Variants in CD44 observed in about 807,000 individuals in gnomAD.
CD44 encodes the protein CD44 molecule (IN blood group).
Under a neutral mutation model 88.8 loss-of-function variants are expected in CD44, and 49 were observed. The ratio of observed to expected loss-of-function variants is 0.55; its 90% CI spans 0.44 to 0.70. CD44 has a LOEUF of 0.70. Among genes scored for constraint, CD44 ranks in the 30% least tolerant of loss-of-function variants. The probability of loss-of-function intolerance (pLI) is 0.00; values close to 1 mark genes in which losing one functional copy is unlikely to be tolerated. For synonymous variants in CD44, 325 were observed against 312.3 expected, an observed-to-expected ratio of 1.04 and a Z score of -0.43; for missense variants, 883 against 913.8, an observed-to-expected ratio of 0.97 and a Z score of 0.43.
intron 1 of CD44, among the ~76,000 whole-genome samples, chr11:35,151,388 C>T (rs1341014674): frequency 2.0e-5 from 3 of 152,184 alleles, no homozygotes. Flanking sequence ...AGACAGAGTT[C>T]AGAAGCAGGC....
intron 1 of CD44, chr11:35,139,616 C>T (rs199566329): frequency 1.9e-4 from 138 of 742,012 alleles, no homozygotes; most frequent in Non-Finnish European, 3.0e-4. Flanking sequence ...AGGCTGCCGG[C>T]GCGCAGTTTT....
chr11:35,139,350 C>T lies in CD44; in HGVS notation c.47C>T (p.Pro16Leu), dbSNP rs371626843. The part of the protein sequence containing the change: ...WHAAWGLCLV[P>L]LSLAQIDLNI... Reference sequence around the variant, plus strand: ...GCAGCCTGGGGACTCTGCCTCGTGCCGCTGAGCCTGGCGCAGATCGGTGAG... The same window carrying T: ...GCAGCCTGGGGACTCTGCCTCGTGCTGCTGAGCCTGGCGCAGATCGGTGAG... Residue 16 changes from proline to leucine, a missense_variant, in exon 1 of 18, where the codon CCG becomes CTG. Around this residue, in one of 2 missense-constraint regions of CD44, gnomAD observed 252 missense variants for 322.9 expected, o/e 0.78. Transcript: ENST00000428726. The T allele has an allele frequency of 9.0e-6, 14 of 1,561,226 alleles. No homozygotes were observed. The highest frequency in any genetic ancestry group is 7.1e-5 in the East Asian group (3 of 42,106).
chr11:35,157,634 C>G (rs906649709), intron 1 of CD44, among the ~76,000 whole-genome samples: 2 of 152,174 alleles, frequency 1.3e-5, no homozygotes, highest in Non-Finnish European at 2.9e-5. Context: ...TTCTCTCACT[C>G]CCTCCTTCCT....
At position 35,224,317 on chromosome 11, in the gene CD44, C is replaced by T. The variant is rs1349418085; in HGVS notation, c.2024+2585C>T. Among the ~76,000 whole-genome samples, 4 of 152,162 alleles carry T rather than the reference C, an allele frequency of 2.6e-5. No individual in the cohort carries two copies. The South Asian group carries it at 8.3e-4, about 31-fold the overall frequency. On this transcript the variant is annotated intron_variant, in intron 17 of 17. Transcript: ENST00000428726. ...TTGCTGTTCCTCATGTCACCTGACTCCTTGAGTTACAGCTCTCCAAGAGAA... is the reference window on the plus strand; with the variant it reads ...TTGCTGTTCCTCATGTCACCTGACTTCTTGAGTTACAGCTCTCCAAGAGAA...
chr11:35,225,464 G>A (rs770976380), intron 17 of CD44, among the ~76,000 whole-genome samples: 22 of 152,178 alleles, frequency 1.4e-4, no homozygotes, highest in Admixed American at 1.0e-3. Flanking sequence ...AGATTTAAGG[G>A]AAGAGGAGAT....
chr11:35,184,315 G>A (rs2133806362), intron 3 of CD44, among the ~76,000 whole-genome samples: 1 of 152,278 alleles, frequency 6.6e-6, no homozygotes, highest in South Asian at 2.1e-4. Flanking sequence ...CTGTCTTAGG[G>A]TTTGTGACAT....
In CD44 at chr11:35,168,820, T is replaced by C. The variant is rs16927029; in HGVS notation, c.68-7755T>C. 6.6e-3 allele frequency among the ~76,000 whole-genome samples: 1,008 copies of C among 152,348 alleles called. 12 individuals carry two copies. The highest frequency in any genetic ancestry group is 0.023 in the African/African-American group (966 of 41,574). ...TGGGTGGTCTTCATATGGAATGTAC[T>C]GTGTTTGCCATGTTCCCTAGGAGAT... On this transcript the variant is annotated intron_variant, in intron 1 of 17. Transcript: ENST00000428726.
intron 9 of CD44, among the ~76,000 whole-genome samples, chr11:35,203,139 TGG>T (rs1278069307): frequency 2.0e-5 from 3 of 152,228 alleles, no homozygotes; most frequent in Non-Finnish European, 4.4e-5. Context: ...TGGTGACCTC[TGG>T]GCTTTATCAA....
chr11:35,147,753 G>A (rs1219088732), intron 1 of CD44, among the ~76,000 whole-genome samples: 1 of 152,110 alleles, frequency 6.6e-6, no homozygotes, highest in Non-Finnish European at 1.5e-5. Flanking sequence ...CACGATAACA[G>A]TAAAGCCCCT....
At chr11:35,194,668 A>G (rs1014786384) in intron 5 of CD44, among the ~76,000 whole-genome samples, 1 of 152,208 alleles carries the variant, frequency 6.6e-6, no homozygotes, top group African/African-American at 2.4e-5. Flanking sequence ...GTCTTGTACC[A>G]CTTCATATAT....
chr11:35,187,892 T>TG (rs1049697894), intron 4 of CD44, among the ~76,000 whole-genome samples: 35 of 152,262 alleles, frequency 2.3e-4, no homozygotes, highest in East Asian at 1.5e-3. Context: ...AAAATAGACA[T>TG]GGGGGTCTCA....
rs1007521670 is a variant in CD44 at position 35,207,673 on chromosome 11, G to A, written c.1415-432G>A. Among the ~76,000 whole-genome samples the A allele has an allele frequency of 5.3e-5, 8 of 152,304 alleles. 1 individual carries two copies. Among genetic ancestry groups the A allele is most frequent in the Middle Eastern group, 6.8e-3 (2 of 294 alleles). On this transcript the variant is annotated intron_variant, in intron 11 of 17. Transcript: ENST00000428726. ...CTTTGTGAAGAAAAAAAGACTAAAG[G>A]GGGGAAGAGGGCTATTTTTAAAAGT...
At chr11:35,187,023 A>G in intron 4 of CD44, 123 bp downstream of exon 4, 7 of 657,654 alleles carry the variant, frequency 1.1e-5, no homozygotes, top group Non-Finnish European at 1.7e-5. Context: ...CTGTAATCCC[A>G]GCACTTTGGG....
chr11:35,190,201 G>A, intron 5 of CD44, 136 bp downstream of exon 5: 1 of 738,002 alleles, frequency 1.4e-6, no homozygotes, highest in Non-Finnish European at 2.3e-6. Flanking sequence ...CATTCAGGGA[G>A]GTGGGCTCTT....
At chr11:35,175,949 T>A (rs953722879) in intron 1 of CD44, among the ~76,000 whole-genome samples, 26 of 148,070 alleles carry the variant, frequency 1.8e-4, no homozygotes, top group African/African-American at 6.2e-4. Flanking sequence ...CACTGTAACC[T>A]CTGCCTCCTG....
At chr11:35,186,963 C>T in intron 4 of CD44, 63 bp downstream of exon 4, 3 of 962,122 alleles carry the variant, frequency 3.1e-6, no homozygotes, top group Non-Finnish European at 5.1e-6. Context: ...CAGGTGTGTT[C>T]TCTGTGGTAT....
chr11:35,154,044 A>G (rs1465531772), intron 1 of CD44, among the ~76,000 whole-genome samples: 1 of 152,236 alleles, frequency 6.6e-6, no homozygotes, highest in African/African-American at 2.4e-5. Flanking sequence ...AGGATTTTAG[A>G]AGCACACATT....
intron 1 of CD44, among the ~76,000 whole-genome samples, chr11:35,159,521 AC>A (rs890019938): frequency 5.3e-5 from 8 of 152,198 alleles, no homozygotes; most frequent in African/African-American, 1.9e-4. Flanking sequence ...AGCGGGGAAG[AC>A]TGGGGCCAGT....
chr11:35,230,780 T>G lies in CD44; in HGVS notation c.*1447T>G, dbSNP rs550675283. The G allele has an allele frequency of 3.3e-5, 5 of 152,364 alleles. No homozygotes were observed. The South Asian group carries it at 1.0e-3, about 32-fold the overall frequency. The allele number at this position is 152,364 out of a possible 1,614,324, so 9.4% of individuals were successfully genotyped here. ...TTATTCATCAGTCAGGGTGTCCGATTGGTCCTAGAACTTCCAAAGGCTGCT... is the reference window on the plus strand; with the variant it reads ...TTATTCATCAGTCAGGGTGTCCGATGGGTCCTAGAACTTCCAAAGGCTGCT... On this transcript the variant is annotated 3_prime_UTR_variant, in exon 18 of 18. Transcript: ENST00000428726.
Sources: gnomAD v4.1 joint callset for allele counts (sites outside exome capture counted in the v4.1 genomes callset) on GRCh38, gnomAD v4.1.1 for gene constraint, gnomAD v4.1.1 regional missense constraint, MANE v1.5 for transcripts, NCBI Gene and HGNC (gene_info 2026-07-23, HGNC 2026-07-21) for gene names.